DOCK10: variants seen among roughly 807,000 people sequenced by gnomAD.
DOCK10 encodes dedicator of cytokinesis 10.
In DOCK10, 145 loss-of-function variants were observed where a neutral mutation model predicts 280.1. The ratio of observed to expected loss-of-function variants is 0.52; its 90% CI spans 0.45 to 0.59. DOCK10 has a LOEUF of 0.59. DOCK10 is among the 20% of genes least tolerant of loss of function. DOCK10 has a pLI of 0.00. For synonymous variants in DOCK10, 915 were observed against 942.2 expected (o/e 0.97, Z 0.53); for missense variants, 2,368 against 2,651.7 (o/e 0.89, Z 2.35).
Position 224,804,809 on chromosome 2 carries a change from T to C in DOCK10, c.4151A>G (p.Lys1384Arg). ...AAATTAGTACCTTATTATGTTGCGT[T>C]TTCCTAGGTATCTGAAATTTTGAAG... The part of the protein sequence containing the change: ...VCLQNFRYLG[K>R]RNIIRKIAAA... The change falls in exon 38 of 56, where the codon AAA (lysine) becomes AGA (arginine). Residue 1384 changes from lysine to arginine, a missense_variant. By Grantham distance (26) the Lys-to-Arg change is conservative. Coordinates refer to ENST00000258390, the MANE Select transcript of DOCK10 (RefSeq NM_014689.3). The C allele has an allele frequency of 6.6e-7, 1 of 1,510,336 alleles. No individual in the cohort carries two copies. Among genetic ancestry groups the C allele is most frequent in the African/African-American group, 1.4e-5 (1 of 70,974 alleles). The allele number at this position is 1,510,336 out of a possible 1,614,324, so 93.6% of individuals were successfully genotyped here. A position where few individuals can be genotyped will look rare whatever the true frequency, so the allele number is the denominator to read the frequency against.
At chr2:224,918,708 G>A (rs1242612053) in intron 2 of DOCK10, among the ~76,000 whole-genome samples, 1 of 151,048 alleles carries the variant, frequency 6.6e-6, no homozygotes, top group African/African-American at 2.4e-5. Context: ...GCAATTGAGT[G>A]TAGTGTGTAT....
At chr2:225,012,972 G>A (rs1323968976) in intron 1 of DOCK10, among the ~76,000 whole-genome samples, 2 of 152,134 alleles carry the variant, frequency 1.3e-5, no homozygotes, top group Non-Finnish European at 2.9e-5. Context: ...TGATGGCAGG[G>A]TGTTACTATA....
At chr2:224,869,584 A>C (rs1174413676) in intron 11 of DOCK10, among the ~76,000 whole-genome samples, 1 of 151,596 alleles carries the variant, frequency 6.6e-6, no homozygotes, top group African/African-American at 2.4e-5. Context: ...TTATAGGCAC[A>C]ATGAAATTAT....
intron 1 of DOCK10, among the ~76,000 whole-genome samples, chr2:224,943,761 C>CTTTTTTTTTTTTTTTTT (rs67538456): frequency 9.3e-6 from 1 of 107,412 alleles, no homozygotes; most frequent in African/African-American, 3.7e-5. Flanking sequence ...TTTTTCTTTT[C>CTTTTTTTTTTTTTTTTT]TTTTTTTTTT....
chr2:224,962,706 C>G (rs758228045), intron 1 of DOCK10, among the ~76,000 whole-genome samples: 1 of 152,134 alleles, frequency 6.6e-6, no homozygotes, highest in African/African-American at 2.4e-5. Context: ...TTCTCAAAGT[C>G]AAAAATATAA....
chr2:224,931,890 G>T (rs948809830), intron 1 of DOCK10, among the ~76,000 whole-genome samples: 2 of 152,110 alleles, frequency 1.3e-5, no homozygotes, highest in African/African-American at 4.8e-5. Flanking sequence ...ATCTCCCTCA[G>T]AAATTCAAGC....
chr2:224,783,696 T>C (rs1174802032), intron 50 of DOCK10, among the ~76,000 whole-genome samples: 56 of 140,972 alleles, frequency 4.0e-4, no homozygotes, highest in African/African-American at 1.4e-3. Flanking sequence ...TTGCAAGGGC[T>C]CCCCCCAATA....
chr2:224,998,175 T>G (rs1706325220), intron 1 of DOCK10, among the ~76,000 whole-genome samples: 1 of 152,212 alleles, frequency 6.6e-6, no homozygotes, highest in Non-Finnish European at 1.5e-5. Flanking sequence ...AAGAGTGAGA[T>G]AAATATGAAT....
chr2:224,982,538 A>T, intron 1 of DOCK10: 1 of 1,219,550 alleles, frequency 8.2e-7, no homozygotes, highest in Non-Finnish European at 1.0e-6. Flanking sequence ...GGATGCAGAG[A>T]TGGGAAAGAT....
At chr2:224,880,471 G>T (rs896830022) in intron 7 of DOCK10, among the ~76,000 whole-genome samples, 2 of 152,166 alleles carry the variant, frequency 1.3e-5, no homozygotes, top group African/African-American at 4.8e-5. Context: ...TTTGAAGTAT[G>T]ATTGTTAAGT....
chr2:224,976,184 T>A (rs567758697), intron 1 of DOCK10, among the ~76,000 whole-genome samples: 30 of 147,552 alleles, frequency 2.0e-4, no homozygotes, highest in African/African-American at 7.1e-4. Context: ...AGTTGAACAA[T>A]GAGAACACAT....
intron 1 of DOCK10, among the ~76,000 whole-genome samples, chr2:225,031,188 CTG>C (rs1189423749): frequency 6.6e-6 from 1 of 152,206 alleles, no homozygotes; most frequent in Non-Finnish European, 1.5e-5. Flanking sequence ...ATCATTTGGA[CTG>C]TGGATAGCTC....
Position 224,787,121 on chromosome 2 carries a change from G to T in DOCK10, c.5556C>A (p.Leu1852=). The part of the protein sequence containing the change: ...KQRDFKKLSD[L]YYDIHRSYLK... Reference sequence around the variant, plus strand: ...GATATGACCGATGAATGTCGTAGTAGAGATCTGACAATTTCTGAAACCATA... The same window carrying T: ...GATATGACCGATGAATGTCGTAGTATAGATCTGACAATTTCTGAAACCATA... Residue 1852 remains leucine, a synonymous_variant, in exon 50 of 56, where the codon CTC becomes CTA. Transcript: ENST00000258390. 3 of 1,613,836 alleles carry T rather than the reference G, an allele frequency of 1.9e-6. No homozygotes were observed. The highest frequency in any genetic ancestry group is 1.1e-5 in the South Asian group (1 of 91,078).
chr2:224,838,733 A>G (rs979601465), intron 24 of DOCK10, among the ~76,000 whole-genome samples: 2 of 152,222 alleles, frequency 1.3e-5, no homozygotes, highest in Non-Finnish European at 2.9e-5. Context: ...CCAGAATGCT[A>G]TGACTAAATT....
At position 224,852,435 on chromosome 2, in the gene DOCK10, T is replaced by C; in HGVS notation, c.2084A>G (p.Asn695Ser). ...TTTGAATTCAATGCACACAGTTATA[T>C]TCCGTGCCTGAAATTACGGAGAGAA... ...DSQKCFNKARNITVCIEFKNS... is the reference protein window; with the variant it reads ...DSQKCFNKARSITVCIEFKNS... The change falls in exon 18 of 56, where the codon AAT becomes AGT. Residue 695 changes from asparagine to serine, a missense_variant. This residue lies in a region of DOCK10 where 1,209 missense variants were observed against 1,250.9 expected (regional missense o/e 0.97). Transcript: ENST00000258390. 1 of 1,563,210 alleles carries C rather than the reference T, an allele frequency of 6.4e-7. No homozygotes were observed. The highest frequency in any genetic ancestry group is 2.4e-5 in the East Asian group (1 of 42,438).
chr2:224,976,765 G>A (rs937252807), intron 1 of DOCK10, among the ~76,000 whole-genome samples: 4 of 151,886 alleles, frequency 2.6e-5, no homozygotes, highest in Non-Finnish European at 4.4e-5. Flanking sequence ...TCTGTAAATG[G>A]TCAGAATACT....
chr2:224,952,783 G>A (rs1439750151), intron 1 of DOCK10, among the ~76,000 whole-genome samples: 1 of 151,820 alleles, frequency 6.6e-6, no homozygotes, highest in African/African-American at 2.4e-5. Flanking sequence ...TAGTAGAGAC[G>A]GGGTTTCACC....
At chr2:224,850,461 T>A (rs1265056765) in intron 18 of DOCK10, among the ~76,000 whole-genome samples, 1 of 152,098 alleles carries the variant, frequency 6.6e-6, no homozygotes, top group Non-Finnish European at 1.5e-5. Flanking sequence ...TAACAATGAC[T>A]CAGACAATGA....
intron 3 of DOCK10, among the ~76,000 whole-genome samples, chr2:224,898,426 C>T (rs10207991): frequency 0.14 from 21,614 of 151,988 alleles, 2,194 homozygotes; most frequent in African/African-American, 0.29. Context: ...GCAAGACAGA[C>T]GAATGTAGAG....
Sources: allele counts gnomAD v4.1 joint callset (sites outside exome capture counted in the v4.1 genomes callset), GRCh38; gene constraint gnomAD v4.1.1; regional missense constraint gnomAD v4.1.1; transcripts MANE v1.5; gene names NCBI Gene and HGNC (gene_info 2026-07-23, HGNC 2026-07-21).